Variants in KNTC1 observed in about 807,000 individuals in gnomAD.
The protein encoded by KNTC1 is kinetochore-associated protein 1.
A neutral mutation model predicts 314.4 loss-of-function variants in KNTC1; 253 were observed. That is an observed-to-expected ratio of 0.80 (90% confidence interval 0.73 to 0.89). The LOEUF is 0.89. Ranked by LOEUF, KNTC1 falls within the 40% of genes least tolerant of loss-of-function variation. The pLI, the probability that KNTC1 is intolerant of heterozygous loss-of-function variation, is 0.00. For missense variants in KNTC1, 2,475 were observed against 2,572.9 expected (o/e 0.96, Z 0.82); for synonymous variants, 901 against 901.4 (o/e 1.00, Z 0.01).
chr12:122,576,840 T>G, intron 29 of KNTC1, 55 bp from the exon 30 acceptor site: 1 of 1,411,046 alleles, frequency 7.1e-7, no homozygotes, highest in South Asian at 1.6e-5. Flanking sequence ...AGCAAGTGAT[T>G]TCTTGGTTTT....
chr12:122,612,862 G>C, intron 53 of KNTC1: 1 of 442,044 alleles, frequency 2.3e-6, no homozygotes, highest in Non-Finnish European at 4.0e-6. Flanking sequence ...CAGTGTAAAG[G>C]CAAATAACAT....
intron 5 of KNTC1, 85 bp downstream of exon 5, chr12:122,539,839 T>A: frequency 1.2e-6 from 1 of 838,164 alleles, no homozygotes; most frequent in Non-Finnish European, 1.8e-6. Context: ...TGGAGTGCAG[T>A]GGCGCAATCT....
intron 52 of KNTC1, among the ~76,000 whole-genome samples, chr12:122,609,778 G>A (rs563666861): frequency 2.0e-5 from 3 of 152,126 alleles, no homozygotes; most frequent in Non-Finnish European, 4.4e-5. Flanking sequence ...TCAGATATGG[G>A]CCACCAGATT....
At chr12:122,598,722 A>T (rs1210925726) in intron 44 of KNTC1, among the ~76,000 whole-genome samples, 2 of 152,058 alleles carry the variant, frequency 1.3e-5, no homozygotes, top group African/African-American at 4.8e-5. Flanking sequence ...GGCCCAGTGA[A>T]CCGTCATTTT....
At chr12:122,540,736 G>C (rs988859959) in intron 5 of KNTC1, among the ~76,000 whole-genome samples, 7 of 151,984 alleles carry the variant, frequency 4.6e-5, no homozygotes, top group Non-Finnish European at 8.8e-5. Context: ...TGATATATCT[G>C]AGATTTTTTT....
At chr12:122,535,503 C>T (rs1217154649) in intron 3 of KNTC1, among the ~76,000 whole-genome samples, 5 of 152,084 alleles carry the variant, frequency 3.3e-5, no homozygotes, top group East Asian at 1.9e-4. Context: ...ATTAGCTGGC[C>T]GTGCTGGTGT....
chr12:122,566,217 A>G (rs7300796), intron 20 of KNTC1, among the ~76,000 whole-genome samples: 1,597 of 151,460 alleles, frequency 0.011, 27 homozygotes, highest in African/African-American at 0.037. Flanking sequence ...CTGGGATTAC[A>G]AGCGTGAGCC....
intron 16 of KNTC1, 74 bp from the exon 17 acceptor site, chr12:122,557,310 C>G (rs1162336969): frequency 2.8e-6 from 4 of 1,430,978 alleles, no homozygotes; most frequent in African/African-American, 2.8e-5. Context: ...TTTCACTCAG[C>G]TTACTCTGAG....
At position 122,588,735 on chromosome 12, in the gene KNTC1, TA is replaced by T; in HGVS notation, c.3921del (p.Lys1307AsnfsTer9). 1 of 1,549,424 alleles carries T rather than the reference TA, an allele frequency of 6.5e-7. No homozygotes were observed. The highest frequency in any genetic ancestry group is 1.2e-5 in the South Asian group (1 of 80,432). On this transcript the variant is annotated frameshift_variant, in exon 40 of 64. Transcript: ENST00000333479. The stretch of plus-strand genomic sequence containing the variant: ...AGTTATTTGGAGAGACTACATTAGT[TA>T]AATCAAGGCATGTTGTTATGGAATT... ...EKLFGETTLV[K>X]SRHVVMELKE...
intron 51 of KNTC1, among the ~76,000 whole-genome samples, 159 bp downstream of exon 51, chr12:122,605,574 TCTTG>T (rs1783403575): frequency 6.6e-6 from 1 of 152,084 alleles, no homozygotes. Context: ...TGAGATGGAG[TCTTG>T]CTTGTTGCCC....
intron 52 of KNTC1, 46 bp downstream of exon 52, chr12:122,609,476 T>C (rs1467827671): frequency 8.1e-7 from 1 of 1,237,744 alleles, no homozygotes; most frequent in Non-Finnish European, 1.1e-6. Flanking sequence ...TGATGCAAAA[T>C]AGAAATCTTA....
Position 122,615,041 on chromosome 12 carries a change from G to T in KNTC1, c.5928G>T (p.Leu1976=). ...ELCLEYKIYD[L]QLWNGLLQKL... ...GTTTAGAATACAAAATCTATGACCT[G>T]CAGCTTTGGAATGGACTCTTGCAAA... is the stretch of plus-strand genomic sequence containing the variant. The change falls in exon 56 of 64, where the codon CTG becomes CTT. Residue 1976 remains leucine (L), a synonymous_variant. Coordinates refer to ENST00000333479, the MANE Select transcript of KNTC1 (RefSeq NM_014708.6). 2 of 1,613,612 alleles carry T rather than the reference G, an allele frequency of 1.2e-6. No individual in the cohort carries two copies. The highest frequency in any genetic ancestry group is 1.7e-6 in the Non-Finnish European group (2 of 1,179,744).
intron 44 of KNTC1, among the ~76,000 whole-genome samples, chr12:122,600,203 G>T (rs903949040): frequency 2.6e-5 from 4 of 151,940 alleles, no homozygotes; most frequent in African/African-American, 9.7e-5. Context: ...GGGTTCAAGC[G>T]ATTCTCCTGC....
intron 16 of KNTC1, among the ~76,000 whole-genome samples, chr12:122,554,099 A>ATG (rs1434231467): frequency 7.0e-6 from 1 of 143,646 alleles, no homozygotes; most frequent in East Asian, 2.0e-4. Flanking sequence ...ATATATATAT[A>ATG]TTTGTATTTT....
chr12:122,539,885 G>A (rs1319619750), intron 5 of KNTC1, 131 bp downstream of exon 5: 22 of 573,270 alleles, frequency 3.8e-5, no homozygotes, highest in Middle Eastern at 4.8e-4. Flanking sequence ...AGGTTCAGGC[G>A]TCTCCTGCCT....
At chr12:122,559,570 A>T (rs545525895) in intron 18 of KNTC1, among the ~76,000 whole-genome samples, 45 of 132,344 alleles carry the variant, frequency 3.4e-4, no homozygotes, top group Non-Finnish European at 5.9e-4. Context: ...TCACCTTTTT[A>T]AAAAAAAATA....
At chr12:122,575,277 A>C (rs898015160) in intron 27 of KNTC1, among the ~76,000 whole-genome samples, 5 of 152,132 alleles carry the variant, frequency 3.3e-5, no homozygotes, top group Non-Finnish European at 5.9e-5. Context: ...AACAAAAAAA[A>C]CCCAGGGATT....
At chr12:122,543,380 G>A (rs556158164) in intron 6 of KNTC1, among the ~76,000 whole-genome samples, 1 of 152,336 alleles carries the variant, frequency 6.6e-6, no homozygotes, top group South Asian at 2.1e-4. Flanking sequence ...GATCCCCTTA[G>A]TAGGAAGAGA....
In KNTC1 at chr12:122,585,660, C is replaced by A. The variant is rs371931759; in HGVS notation, c.3559C>A (p.Pro1187Thr). 1.7e-5 allele frequency: 27 copies of A among 1,613,820 alleles called. No homozygotes were observed. In the South Asian group the frequency reaches 3.0e-4, roughly 18 times the overall value. Residue 1187 changes from proline to threonine, a missense_variant, in exon 37 of 64, where the codon CCA (proline) becomes ACA (threonine). Pro to Thr is a conservative substitution (Grantham distance 38). Transcript: ENST00000333479. ...GGCTTCTTTTGGGACACATAAAGAT[C>A]CATATGAAGAGTGGTCTTACAGTGA... ...MKASFGTHKD[P>T]YEEWSYSDFF...
Sources: gnomAD v4.1 joint callset for allele counts (sites outside exome capture counted in the v4.1 genomes callset) on GRCh38, gnomAD v4.1.1 for gene constraint, MANE v1.5 for transcripts, NCBI Gene and HGNC (gene_info 2026-07-23, HGNC 2026-07-21) for gene names.